FAM20A: variants seen among roughly 807,000 people sequenced by gnomAD.
FAM20A encodes pseudokinase FAM20A.
FAM20A carries 42 observed loss-of-function variants against 52.0 expected under a neutral mutation model. The observed-to-expected ratio is 0.81, with a 90% CI of 0.63 to 1.04. The LOEUF is 1.04. Ranked by LOEUF, FAM20A falls within the 50% of genes least tolerant of loss-of-function variation. The probability of loss-of-function intolerance (pLI) is 0.00; values close to 1 mark genes in which losing one functional copy is unlikely to be tolerated. For synonymous variants in FAM20A, 304 were observed against 298.9 expected (o/e 1.02, Z -0.18); for missense variants, 742 against 712.7 (o/e 1.04, Z -0.47).
At chr17:68,548,156 A>G (rs2086654207) in intron 4 of FAM20A, among the ~76,000 whole-genome samples, 1 of 152,190 alleles carries the variant, frequency 6.6e-6, no homozygotes, top group South Asian at 2.1e-4. Flanking sequence ...GCACTTTGGA[A>G]GGCCAAGGTT....
intron 1 of FAM20A, among the ~76,000 whole-genome samples, chr17:68,599,143 T>G (rs2088539824): frequency 6.6e-6 from 1 of 152,140 alleles, no homozygotes. Flanking sequence ...AATCTCAGCA[T>G]TACAAAATAA....
intron 3 of FAM20A, among the ~76,000 whole-genome samples, chr17:68,554,462 A>G (rs1228990465): frequency 6.6e-6 from 1 of 152,174 alleles, no homozygotes; most frequent in Admixed American, 6.5e-5. Flanking sequence ...GCGTGCTCCA[A>G]TCACTTGAGG....
At chr17:68,593,675 G>A (rs1242852682) in intron 1 of FAM20A, among the ~76,000 whole-genome samples, 1 of 152,198 alleles carries the variant, frequency 6.6e-6, no homozygotes, top group Non-Finnish European at 1.5e-5. Flanking sequence ...CCAAATCCTG[G>A]TGTCATCTGT....
At chr17:68,594,862 T>A (rs924993386) in intron 1 of FAM20A, among the ~76,000 whole-genome samples, 1 of 152,220 alleles carries the variant, frequency 6.6e-6, no homozygotes, top group African/African-American at 2.4e-5. Flanking sequence ...CATTCATGGA[T>A]TAGGTCACGC....
intron 1 of FAM20A, among the ~76,000 whole-genome samples, chr17:68,560,133 C>T (rs1358191146): frequency 6.6e-6 from 1 of 152,088 alleles, no homozygotes; most frequent in African/African-American, 2.4e-5. Flanking sequence ...ATGGGTTTCA[C>T]CATGTTGGCC....
intron 1 of FAM20A, among the ~76,000 whole-genome samples, chr17:68,574,375 C>T (rs776932338): frequency 3.9e-5 from 6 of 152,128 alleles, no homozygotes. Context: ...GCTCCGGTTT[C>T]CTTTCCTCTT....
In FAM20A at chr17:68,536,596, C is replaced by T. The variant is rs776673449; in HGVS notation, c.*881G>A. On this transcript the variant is annotated 3_prime_UTR_variant, in exon 11 of 11. Coordinates refer to ENST00000592554, the MANE Select transcript of FAM20A (RefSeq NM_017565.4). Reference sequence around the variant, plus strand: ...CCCCTTTCTTCTTTTGGGGATGGGCCGGGGACAATCCTGGGGTCTTAGGGA... The same window carrying T: ...CCCCTTTCTTCTTTTGGGGATGGGCTGGGGACAATCCTGGGGTCTTAGGGA... 8 of 453,304 alleles carry T rather than the reference C, an allele frequency of 1.8e-5. No homozygotes were observed. Among genetic ancestry groups the T allele is most frequent in the African/African-American group, 2.0e-5 (1 of 49,850 alleles). 28.1% of individuals were successfully genotyped at this position (453,304 alleles called of 1,614,324 possible). A position where few individuals can be genotyped will look rare whatever the true frequency, so the allele number is the denominator to read the frequency against.
At chr17:68,582,833 A>G (rs2088050548) in intron 1 of FAM20A, among the ~76,000 whole-genome samples, 1 of 115,746 alleles carries the variant, frequency 8.6e-6, no homozygotes, top group Non-Finnish European at 1.6e-5. Flanking sequence ...TCTGTAGCCC[A>G]GGCTGGATGG....
chr17:68,545,816 G>A (rs763810428), intron 4 of FAM20A, among the ~76,000 whole-genome samples: 15 of 152,130 alleles, frequency 9.9e-5, no homozygotes, highest in East Asian at 1.9e-4. Context: ...TGTTCACAGC[G>A]TCTTCACCAG....
chr17:68,552,645 G>A lies in FAM20A; in HGVS notation c.641-694C>T, dbSNP rs532501869. ...TAACTGAAGAAAAGGGAAGCCTGGA[G>A]CCCTGTAAACCTTTATTTTCCTTTT... is the stretch of plus-strand genomic sequence containing the variant. On this transcript the variant is annotated intron_variant, in intron 3 of 10. Transcript: ENST00000592554. Among the ~76,000 whole-genome samples, 14 of 148,708 alleles carry A rather than the reference G, an allele frequency of 9.4e-5. No individual in the cohort carries two copies. The South Asian group carries it at 3.0e-3, about 32-fold the overall frequency.
At chr17:68,542,892 T>A in intron 5 of FAM20A, 83 bp from the exon 6 acceptor site, 1 of 1,066,038 alleles carries the variant, frequency 9.4e-7, no homozygotes, top group East Asian at 2.4e-5. Context: ...CAGTGCACAT[T>A]AGGAATTGGC....
At position 68,575,502 on chromosome 17, in the gene FAM20A, GATATTATATATTTTATATATTAT is replaced by G. The variant is rs1555830290; in HGVS notation, c.405-19782_405-19760del. The stretch of plus-strand genomic sequence containing the variant: ...TATATATTATATATTATAGATATTA[GATATTATATATTTTATATATTAT>G]ATAATATATATTTTATATATTATAT... On this transcript the variant is annotated intron_variant, in intron 1 of 10. Coordinates refer to ENST00000592554, the MANE Select transcript of FAM20A (RefSeq NM_017565.4). Among the ~76,000 whole-genome samples, 3 of 87,214 alleles carry G rather than the reference GATATTATATATTTTATATATTAT, an allele frequency of 3.4e-5. No individual in the cohort carries two copies. The Admixed American group carries it at 5.0e-4, about 14-fold the overall frequency. The allele number at this position is 87,214 out of a possible 152,430, so 57.2% of individuals were successfully genotyped here.
At position 68,543,623 on chromosome 17, in the gene FAM20A, C is replaced by G. The variant is rs1396642639; in HGVS notation, c.812+6G>C. ...GCAATGCCATCTCCATGGGGCCAGA[C>G]CCTACCTGTCCAGATGGAAAGCTGC... On this transcript the variant is annotated splice_donor_region_variant and intron_variant, in intron 5 of 10. Transcript: ENST00000592554. The G allele has an allele frequency of 1.9e-6, 3 of 1,613,864 alleles. No individual in the cohort carries two copies. In the Admixed American group the frequency reaches 5.0e-5, roughly 27 times the overall value.
In FAM20A at chr17:68,583,353, C is replaced by T. The variant is rs145074321; in HGVS notation, c.404+16910G>A. 6.0e-3 allele frequency among the ~76,000 whole-genome samples: 910 copies of T among 152,168 alleles called. 6 individuals carry two copies. The highest frequency in any genetic ancestry group is 0.021 in the African/African-American group (881 of 41,512). ...ATCAAGGTAGCAATAGGACTGTGCT[C>T]CTTCTGGGGACTCTAGGAGAAAGCC... On this transcript the variant is annotated intron_variant, in intron 1 of 10. Coordinates refer to ENST00000592554, the MANE Select transcript of FAM20A (RefSeq NM_017565.4).
At chr17:68,550,396 T>TA (rs371608462) in intron 4 of FAM20A, among the ~76,000 whole-genome samples, 2 of 137,970 alleles carry the variant, frequency 1.4e-5, no homozygotes, top group East Asian at 2.1e-4. Context: ...TTTTTTTTTT[T>TA]AAGATAGAGA....
rs1322955390 is a variant in FAM20A at position 68,600,488 on chromosome 17, G to C, written c.179C>G (p.Ala60Gly). 6.3e-7 allele frequency: 1 copy of C among 1,598,814 alleles called. No homozygotes were observed. Among genetic ancestry groups the C allele is most frequent in the African/African-American group, 1.3e-5 (1 of 74,510 alleles). The change falls in exon 1 of 11, where the codon GCT (alanine) becomes GGT (glycine). Residue 60 changes from alanine (A) to glycine (G), a missense_variant. By Grantham distance (60) the Ala-to-Gly change is moderately conservative. Coordinates refer to ENST00000592554, the MANE Select transcript of FAM20A (RefSeq NM_017565.4). The surrounding 1 kb of genome is among the most constrained non-coding windows in gnomAD (Gnocchi z 6.2). Reference sequence around the variant, plus strand: ...CACGATCGTGCCGGGGTCCGAGGCAGCTGCGGCCGAGTCCCGCGCCAGGGA... The same window carrying C: ...CACGATCGTGCCGGGGTCCGAGGCACCTGCGGCCGAGTCCCGCGCCAGGGA... ...ASSLARDSAA[A>G]ASDPGTIVHN...
intron 1 of FAM20A, among the ~76,000 whole-genome samples, chr17:68,581,634 G>A (rs1259841540): frequency 7.0e-6 from 1 of 142,522 alleles, no homozygotes; most frequent in African/African-American, 2.6e-5. Flanking sequence ...GGAGTTCAGT[G>A]GTGTGATCTC....
intron 4 of FAM20A, among the ~76,000 whole-genome samples, chr17:68,544,319 A>G (rs1349921152): frequency 6.6e-6 from 1 of 152,184 alleles, no homozygotes; most frequent in African/African-American, 2.4e-5. Context: ...ATTTATATAC[A>G]TTAAATCTCT....
At position 68,600,739 on chromosome 17, in the gene FAM20A, G is replaced by A. The variant is rs2088602947; in HGVS notation, c.-73C>T. ...GGTCCCGGGAGGGGTCGCGGGGTGC[G>A]GGCAGAAGAGGTGCCTGGAGTCCCG... On this transcript the variant is annotated 5_prime_UTR_variant, in exon 1 of 11. Coordinates refer to ENST00000592554, the MANE Select transcript of FAM20A (RefSeq NM_017565.4). This position sits in a 1 kb window ranked among gnomAD's most constrained non-coding sequence, Gnocchi z 6.2. 4 of 1,469,222 alleles carry A rather than the reference G, an allele frequency of 2.7e-6. No individual in the cohort carries two copies. The highest frequency in any genetic ancestry group is 1.4e-5 in the African/African-American group (1 of 69,918). 91.0% of individuals were successfully genotyped at this position (1,469,222 alleles called of 1,614,324 possible).
Sources: allele counts gnomAD v4.1 joint callset (sites outside exome capture counted in the v4.1 genomes callset), GRCh38; gene constraint gnomAD v4.1.1; non-coding constraint Gnocchi (gnomAD v3.1); transcripts MANE v1.5; gene names NCBI Gene and HGNC (gene_info 2026-07-23, HGNC 2026-07-21).